The following GALNTL6 variants were observed in gnomAD, a reference collection of about 807,000 sequenced individuals.
GALNTL6 encodes polypeptide N-acetylgalactosaminyltransferase like 6, also known as polypeptide N-acetylgalactosaminyltransferase-like 6.
GALNTL6 carries 46 observed loss-of-function variants against 73.7 expected under a neutral mutation model. That is an observed-to-expected ratio of 0.62 (90% CI 0.49 to 0.80). The LOEUF (loss-of-function observed/expected upper bound fraction) is 0.80, where lower values mean the gene tolerates loss of function less well. Among genes scored for constraint, GALNTL6 ranks in the 30% least tolerant of loss-of-function variants. The pLI, the probability that GALNTL6 is intolerant of heterozygous loss-of-function variation, is 0.00. For synonymous variants in GALNTL6, 259 were observed against 263.7 expected (o/e 0.98, Z 0.17); for missense variants, 604 against 755.0 (o/e 0.80, Z 2.34).
chr4:172,600,366 C>T (rs930359017), intron 5 of GALNTL6, among the ~76,000 whole-genome samples: 1 of 152,044 alleles, frequency 6.6e-6, no homozygotes, highest in African/African-American at 2.4e-5. Context: ...TTCTCTCTGC[C>T]TAGAGACATA....
Position 173,040,307 on chromosome 4 carries a change from A to G in GALNTL6, c.*207A>G. ...AGAATCTCACCAGCTGCTTCTGAGAACTCGAGACTAGCAGTTCCCTTGCTG... is the reference window on the plus strand; with the variant it reads ...AGAATCTCACCAGCTGCTTCTGAGAGCTCGAGACTAGCAGTTCCCTTGCTG... On this transcript the variant is annotated 3_prime_UTR_variant, in exon 13 of 13. Transcript: ENST00000506823. 1 of 528,566 alleles carries G rather than the reference A, an allele frequency of 1.9e-6. No individual in the cohort carries two copies. The highest frequency in any genetic ancestry group is 3.3e-6 in the Non-Finnish European group (1 of 301,668). The allele number at this position is 528,566 out of a possible 1,614,324, so 32.7% of individuals were successfully genotyped here. A position where few individuals can be genotyped will look rare whatever the true frequency, so the allele number is the denominator to read the frequency against.
intron 5 of GALNTL6, among the ~76,000 whole-genome samples, chr4:172,430,655 A>T (rs1244225127): frequency 2.6e-5 from 4 of 152,110 alleles, no homozygotes; most frequent in Non-Finnish European, 5.9e-5. Context: ...AAATAAATAA[A>T]TTAGCTTGGC....
chr4:172,573,662 TA>T (rs1736851340), intron 5 of GALNTL6, among the ~76,000 whole-genome samples: 1 of 152,152 alleles, frequency 6.6e-6, no homozygotes, highest in Non-Finnish European at 1.5e-5. Flanking sequence ...GTTTCTCAGA[TA>T]AAGAGGTGCA....
intron 5 of GALNTL6, among the ~76,000 whole-genome samples, chr4:172,487,775 AT>A (rs1436094579): frequency 6.6e-6 from 1 of 152,154 alleles, no homozygotes; most frequent in Non-Finnish European, 1.5e-5. Flanking sequence ...ATATTAGTAA[AT>A]TGAAACAGAG....
chr4:173,008,138 T>C (rs1354926625), intron 10 of GALNTL6, among the ~76,000 whole-genome samples: 2 of 152,188 alleles, frequency 1.3e-5, no homozygotes, highest in Non-Finnish European at 2.9e-5. Flanking sequence ...AAGACCATTG[T>C]AGCCAAACTG....
chr4:172,344,765 G>A (rs1741683090), intron 4 of GALNTL6, among the ~76,000 whole-genome samples: 1 of 152,108 alleles, frequency 6.6e-6, no homozygotes, highest in African/African-American at 2.4e-5. Flanking sequence ...CAATGTCTGT[G>A]TGCCATCTAT....
chr4:172,930,750 T>C (rs939647396), intron 8 of GALNTL6, among the ~76,000 whole-genome samples: 1 of 152,154 alleles, frequency 6.6e-6, no homozygotes. Context: ...GGTGCAAACA[T>C]AGCTCACTTC....
intron 2 of GALNTL6, among the ~76,000 whole-genome samples, chr4:171,877,965 C>T (rs957931735): frequency 2.6e-5 from 4 of 152,168 alleles, no homozygotes; most frequent in Admixed American, 2.0e-4. Context: ...TCCATTGCCT[C>T]TATCATTTTG....
intron 2 of GALNTL6, among the ~76,000 whole-genome samples, chr4:172,193,629 G>A (rs1302293206): frequency 1.3e-5 from 2 of 152,128 alleles, no homozygotes; most frequent in African/African-American, 2.4e-5. Flanking sequence ...TTGGGAGGCC[G>A]AGGCGGGTGG....
intron 7 of GALNTL6, among the ~76,000 whole-genome samples, chr4:172,825,062 T>TC (rs925865683): frequency 1.3e-5 from 2 of 149,908 alleles, no homozygotes; most frequent in African/African-American, 4.9e-5. Flanking sequence ...TTTTCTTTTT[T>TC]TTTTTTTTGG....
intron 5 of GALNTL6, among the ~76,000 whole-genome samples, chr4:172,445,338 A>G (rs973748573): frequency 2.0e-5 from 3 of 152,218 alleles, no homozygotes; most frequent in Admixed American, 2.0e-4. Context: ...TAATAGAAGA[A>G]AAAACTGCAG....
intron 5 of GALNTL6, among the ~76,000 whole-genome samples, chr4:172,627,480 G>C (rs1739212108): frequency 6.6e-6 from 1 of 150,572 alleles, no homozygotes; most frequent in Non-Finnish European, 1.5e-5. Context: ...GCCAGGTTTT[G>C]GTATGAAAGT....
chr4:171,825,846 C>T (rs1340466579), intron 2 of GALNTL6, among the ~76,000 whole-genome samples: 1 of 152,146 alleles, frequency 6.6e-6, no homozygotes, highest in Non-Finnish European at 1.5e-5. Flanking sequence ...TCGTAAAAAA[C>T]ATTCTGTTGA....
chr4:172,735,039 A>G (rs1736378358), intron 5 of GALNTL6, among the ~76,000 whole-genome samples: 1 of 152,214 alleles, frequency 6.6e-6, no homozygotes, highest in African/African-American at 2.4e-5. Context: ...GCAGAAGGGA[A>G]ATGTGGGGTT....
chr4:172,333,672 A>G (rs333395), intron 4 of GALNTL6, among the ~76,000 whole-genome samples: 24,876 of 152,028 alleles, frequency 0.16, 2,130 homozygotes, highest in East Asian at 0.36. Flanking sequence ...TTTGCTGTGT[A>G]GAATATTTGT....
Position 172,286,081 on chromosome 4 carries a change from C to G in GALNTL6, c.248-25533C>G, listed in dbSNP as rs546585462. Among the ~76,000 whole-genome samples the G allele has an allele frequency of 2.6e-5, 4 of 152,278 alleles. No homozygotes were observed. The South Asian group carries it at 8.3e-4, about 32-fold the overall frequency. On this transcript the variant is annotated intron_variant, in intron 3 of 12. Coordinates refer to ENST00000506823, the MANE Select transcript of GALNTL6 (RefSeq NM_001034845.3). Reference sequence around the variant, plus strand: ...TAAATCCAAATTCAATACTTTTTTACTATATCATTTTGTGGATTTTGTATC... The same window carrying G: ...TAAATCCAAATTCAATACTTTTTTAGTATATCATTTTGTGGATTTTGTATC...
At chr4:172,815,399 C>T (rs1741543777) in intron 7 of GALNTL6, among the ~76,000 whole-genome samples, 1 of 152,046 alleles carries the variant, frequency 6.6e-6, no homozygotes, top group Admixed American at 6.6e-5. Flanking sequence ...AGGTGCTGGC[C>T]CACAGCAGAA....
intron 4 of GALNTL6, among the ~76,000 whole-genome samples, chr4:172,342,006 A>G (rs546142704): frequency 3.3e-5 from 5 of 152,300 alleles, no homozygotes; most frequent in South Asian, 4.1e-4. Context: ...AAACCAATAT[A>G]GGAATATTGT....
chr4:171,852,032 T>C (rs1375324658), intron 2 of GALNTL6, among the ~76,000 whole-genome samples: 1 of 152,228 alleles, frequency 6.6e-6, no homozygotes, highest in Non-Finnish European at 1.5e-5. Flanking sequence ...GAGTCTCATA[T>C]TGATTACCTT....
Sources: gnomAD v4.1 joint callset for allele counts (sites outside exome capture counted in the v4.1 genomes callset) on GRCh38, gnomAD v4.1.1 for gene constraint, MANE v1.5 for transcripts, NCBI Gene and HGNC (gene_info 2026-07-23, HGNC 2026-07-21) for gene names.